Variants in TP63 observed in about 807,000 individuals in gnomAD.
The protein encoded by TP63 is tumor protein p63, also known as tumor protein 63.
A neutral mutation model predicts 82.8 loss-of-function variants in TP63; 17 were observed. That is an observed-to-expected ratio of 0.21 (90% CI 0.14 to 0.31). The LOEUF (loss-of-function observed/expected upper bound fraction) is 0.31, where lower values mean the gene tolerates loss of function less well. Among genes scored for constraint, TP63 ranks in the 10% least tolerant of loss-of-function variants. TP63 has a pLI of 1.00. For missense variants in TP63, 648 were observed against 895.3 expected, an observed-to-expected ratio of 0.72 and a Z score of 3.52; for synonymous variants, 330 against 321.7, an observed-to-expected ratio of 1.03 and a Z score of -0.28.
intron 3 of TP63, among the ~76,000 whole-genome samples, chr3:189,775,064 C>CA (rs757157416): frequency 2.7e-4 from 41 of 151,878 alleles, no homozygotes; most frequent in African/African-American, 8.4e-4. Context: ...ACTACAAATA[C>CA]AAAAAATTAG....
upstream of TP63, among the ~76,000 whole-genome samples, chr3:189,627,180 G>C (rs1036638494): frequency 1.3e-5 from 2 of 152,148 alleles, no homozygotes; most frequent in African/African-American, 2.4e-5. Context: ...GAAGAAAGAA[G>C]CTACTATTTT....
rs2108872937 is a variant in TP63, at chr3:189,894,213, C to T, written c.1754C>T (p.Ala585Val). 1 of 1,614,108 alleles carries T rather than the reference C, an allele frequency of 6.2e-7. No individual in the cohort carries two copies. The highest frequency in any genetic ancestry group is 8.5e-7 in the Non-Finnish European group (1 of 1,180,004). Residue 585 changes from alanine (A) to valine (V), a missense_variant, in exon 14 of 14, where the codon GCA becomes GTA. Coordinates refer to ENST00000264731, the MANE Select transcript of TP63 (RefSeq NM_003722.5). ...CCTTCCCCTGTTGCACAGGATCTGG[C>T]AAGTCTGAAAATCCCTGAGCAATTT... ...QIEHYSMDDL[A>V]SLKIPEQFRH...
At chr3:189,701,437 A>G (rs1252121946) in intron 1 of TP63, among the ~76,000 whole-genome samples, 4 of 151,496 alleles carry the variant, frequency 2.6e-5, no homozygotes, top group Admixed American at 1.3e-4. Flanking sequence ...GCAAAGTCCA[A>G]CTGAATATGA....
intron 10 of TP63, among the ~76,000 whole-genome samples, chr3:189,878,181 T>C (rs890417683): frequency 3.3e-4 from 50 of 152,088 alleles, no homozygotes; most frequent in Non-Finnish European, 4.4e-5. Context: ...TTCAGTATTA[T>C]CAATGTAGAA....
intron 4 of TP63, among the ~76,000 whole-genome samples, chr3:189,813,349 G>A (rs1260619950): frequency 6.6e-6 from 1 of 152,206 alleles, no homozygotes; most frequent in African/African-American, 2.4e-5. Flanking sequence ...TTTGGGAGTT[G>A]CTGGTGAGGG....
intron 4 of TP63, among the ~76,000 whole-genome samples, chr3:189,821,562 G>C (rs1016788624): frequency 2.0e-5 from 3 of 152,296 alleles, no homozygotes; most frequent in Admixed American, 1.3e-4. Context: ...GCTGCTATAT[G>C]AACAGTGAGA....
intron 4 of TP63, among the ~76,000 whole-genome samples, chr3:189,822,271 G>A (rs1728874783): frequency 6.6e-6 from 1 of 152,130 alleles, no homozygotes; most frequent in Non-Finnish European, 1.5e-5. Flanking sequence ...GATTTGTCCA[G>A]AATCATAGCA....
intron 3 of TP63, among the ~76,000 whole-genome samples, chr3:189,789,031 G>A (rs372945269): frequency 2.6e-5 from 4 of 151,660 alleles, no homozygotes; most frequent in African/African-American, 4.8e-5. Context: ...GTAAGTTAAC[G>A]GGACCGGTGG....
chr3:189,665,465 C>A (rs755949463), intron 1 of TP63, among the ~76,000 whole-genome samples: 6 of 151,866 alleles, frequency 4.0e-5, no homozygotes, highest in Non-Finnish European at 7.4e-5. Flanking sequence ...GTAAAATTCC[C>A]AAATAGATTA....
intron 1 of TP63, among the ~76,000 whole-genome samples, chr3:189,642,045 G>T (rs1436549097): frequency 1.3e-5 from 2 of 152,136 alleles, no homozygotes; most frequent in African/African-American, 4.8e-5. Context: ...AAGCAAGAGG[G>T]CTGGGTAGTA....
At chr3:189,628,065 A>G (rs1202291901), upstream of TP63, among the ~76,000 whole-genome samples, 4 of 152,130 alleles carry the variant, frequency 2.6e-5, no homozygotes, top group Non-Finnish European at 5.9e-5. Flanking sequence ...CCTGCCCTCA[A>G]GCTGTTCACA....
intron 3 of TP63, among the ~76,000 whole-genome samples, chr3:189,761,757 G>C (rs989849818): frequency 6.6e-6 from 1 of 152,148 alleles, no homozygotes; most frequent in African/African-American, 2.4e-5. Flanking sequence ...ACATATCCGA[G>C]ACTGGGCAAT....
chr3:189,653,103 C>T lies in TP63; in HGVS notation c.62+21526C>T, dbSNP rs528770195. Among the ~76,000 whole-genome samples, 65 of 119,768 alleles carry T rather than the reference C, an allele frequency of 5.4e-4. 6 individuals are homozygous for T. The highest frequency in any genetic ancestry group is 1.6e-3 in the African/African-American group (47 of 29,370). 78.6% of individuals were successfully genotyped at this position (119,768 alleles called of 152,430 possible). On this transcript the variant is annotated intron_variant, in intron 1 of 13. Transcript: ENST00000264731. ...GAATGTTGCCAGATAAGTATGGCAT[C>T]GCAGAAAATAGGAAATAAATGGAGA... is the stretch of plus-strand genomic sequence containing the variant.
chr3:189,870,616 C>T (rs940334272), intron 9 of TP63, among the ~76,000 whole-genome samples: 2 of 152,090 alleles, frequency 1.3e-5, no homozygotes, highest in African/African-American at 4.8e-5. Flanking sequence ...AGTCTTAGCC[C>T]AATTATTATG....
At chr3:189,889,220 T>A in intron 11 of TP63, 120 bp from the exon 12 acceptor site, 8 of 1,449,258 alleles carry the variant, frequency 5.5e-6, no homozygotes, top group Non-Finnish European at 7.7e-6. Flanking sequence ...AGAGCGAAGA[T>A]TAAAAAGGAA....
the TP63 span, among the ~76,000 whole-genome samples, chr3:189,598,096 G>C: frequency 6.6e-6 from 1 of 152,056 alleles, no homozygotes; most frequent in Admixed American, 6.6e-5. Context: ...CAAAATAACA[G>C]ACTAGTGAAC....
At chr3:189,612,503 A>C in the TP63 span, among the ~76,000 whole-genome samples, 6 of 152,138 alleles carry the variant, frequency 3.9e-5, no homozygotes, top group East Asian at 1.2e-3. Context: ...CTTTCTTTGT[A>C]AATTGCCCAG....
chr3:189,702,576 G>A (rs1231580578), intron 1 of TP63, among the ~76,000 whole-genome samples: 1 of 152,202 alleles, frequency 6.6e-6, no homozygotes, highest in Admixed American at 6.5e-5. Flanking sequence ...ACCAGCCTGG[G>A]CCCTGCCAAG....
intron 3 of TP63, among the ~76,000 whole-genome samples, chr3:189,773,152 G>A (rs1482356082): frequency 6.6e-6 from 1 of 152,190 alleles, no homozygotes; most frequent in African/African-American, 2.4e-5. Context: ...TTGATGCAAT[G>A]TTTTGTATGC....
Sources: gnomAD v4.1 joint callset for allele counts (sites outside exome capture counted in the v4.1 genomes callset) on GRCh38, gnomAD v4.1.1 for gene constraint, MANE v1.5 for transcripts, NCBI Gene and HGNC (gene_info 2026-07-23, HGNC 2026-07-21) for gene names.